NKAIN2: variants seen among roughly 807,000 people sequenced by gnomAD.
NKAIN2 encodes the protein sodium/potassium transporting ATPase interacting 2, also known as sodium/potassium-transporting ATPase subunit beta-1-interacting protein 2.
In NKAIN2, 14 loss-of-function variants were observed where a neutral mutation model predicts 32.6. The observed-to-expected ratio is 0.43, with a 90% CI of 0.28 to 0.67. The LOEUF is 0.67. Ranked by LOEUF, NKAIN2 falls within the 30% of genes least tolerant of loss-of-function variation. The probability of loss-of-function intolerance (pLI) is 0.17; values close to 1 mark genes in which losing one functional copy is unlikely to be tolerated. For missense variants in NKAIN2, 198 were observed against 258.3 expected (o/e 0.77, Z 1.60); for synonymous variants, 80 against 87.2 (o/e 0.92, Z 0.46).
intron 3 of NKAIN2, among the ~76,000 whole-genome samples, chr6:124,366,038 T>C (rs1297307652): frequency 6.6e-6 from 1 of 151,750 alleles, no homozygotes; most frequent in African/African-American, 2.4e-5. Context: ...GTAGAAATCC[T>C]CAAAACTCAA....
At chr6:123,946,328 C>T (rs1777063006) in intron 1 of NKAIN2, among the ~76,000 whole-genome samples, 1 of 151,932 alleles carries the variant, frequency 6.6e-6, no homozygotes, top group Non-Finnish European at 1.5e-5. Context: ...ATATAAAATG[C>T]CATTAAATAT....
At chr6:123,817,680 A>G (rs989191893) in intron 1 of NKAIN2, among the ~76,000 whole-genome samples, 4 of 152,298 alleles carry the variant, frequency 2.6e-5, no homozygotes, top group East Asian at 1.9e-4. Flanking sequence ...CAACCCAGCC[A>G]TGTAGCCATT....
intron 4 of NKAIN2, among the ~76,000 whole-genome samples, chr6:124,766,839 G>A (rs1371599971): frequency 2.0e-5 from 3 of 152,118 alleles, no homozygotes; most frequent in Admixed American, 1.3e-4. Flanking sequence ...GATTGAGAAG[G>A]CTTTTGAGCT....
chr6:123,810,894 A>T (rs1053078094), intron 1 of NKAIN2, among the ~76,000 whole-genome samples: 2 of 152,192 alleles, frequency 1.3e-5, no homozygotes, highest in Admixed American at 1.3e-4. Flanking sequence ...TTTGAACCTG[A>T]GTGTGCATCA....
chr6:124,480,923 G>A (rs1007507216), intron 3 of NKAIN2, among the ~76,000 whole-genome samples: 2 of 152,020 alleles, frequency 1.3e-5, no homozygotes, highest in Non-Finnish European at 2.9e-5. Flanking sequence ...TGCCAAAGAA[G>A]ATCCTATATA....
chr6:124,323,486 G>A (rs1052078033), intron 2 of NKAIN2, among the ~76,000 whole-genome samples: 1 of 152,054 alleles, frequency 6.6e-6, no homozygotes, highest in Non-Finnish European at 1.5e-5. Context: ...ATACAGTTTA[G>A]GTCAAGGCTC....
At chr6:124,601,469 A>G (rs1424268274) in intron 3 of NKAIN2, among the ~76,000 whole-genome samples, 2 of 152,012 alleles carry the variant, frequency 1.3e-5, no homozygotes, top group Non-Finnish European at 2.9e-5. Context: ...TAGAAATGCC[A>G]CATATCAAGC....
intron 1 of NKAIN2, among the ~76,000 whole-genome samples, chr6:123,906,789 T>G (rs1774897151): frequency 6.6e-6 from 1 of 152,192 alleles, no homozygotes; most frequent in African/African-American, 2.4e-5. Context: ...AAGTTGTCCA[T>G]CAAACTACTT....
At position 124,059,295 on chromosome 6, in the gene NKAIN2, C is replaced by T. The variant is rs573759213; in HGVS notation, c.55-223710C>T. On this transcript the variant is annotated intron_variant, in intron 1 of 6. Transcript: ENST00000368417. ...CTTACTTATGTCTTGGGCACCTTCT[C>T]GGACAGCTTTCTCCTTTGTTCGGTT... Among the ~76,000 whole-genome samples, 27 of 152,216 alleles carry T rather than the reference C, an allele frequency of 1.8e-4. No individual in the cohort carries two copies. The Middle Eastern group carries it at 0.01, about 58-fold the overall frequency.
chr6:123,839,619 C>T (rs1774783541), intron 1 of NKAIN2, among the ~76,000 whole-genome samples: 1 of 152,088 alleles, frequency 6.6e-6, no homozygotes, highest in Non-Finnish European at 1.5e-5. Flanking sequence ...GTTAACTACC[C>T]TCTCTCCCAC....
chr6:123,959,472 T>G (rs1441031766), intron 1 of NKAIN2, among the ~76,000 whole-genome samples: 1 of 152,148 alleles, frequency 6.6e-6, no homozygotes, highest in Non-Finnish European at 1.5e-5. Flanking sequence ...ACAATGCTTA[T>G]TTTTGGAAAG....
intron 3 of NKAIN2, among the ~76,000 whole-genome samples, chr6:124,412,429 T>A (rs1437804613): frequency 1.3e-5 from 2 of 152,206 alleles, no homozygotes; most frequent in Non-Finnish European, 2.9e-5. Flanking sequence ...TGGAGTTTGC[T>A]GGAGGTCCAC....
chr6:123,911,817 A>G (rs1775218890), intron 1 of NKAIN2, among the ~76,000 whole-genome samples: 4 of 71,352 alleles, frequency 5.6e-5, no homozygotes, highest in South Asian at 4.4e-4. Flanking sequence ...ATATATACAC[A>G]CACACACACA....
At chr6:124,282,957 G>T (rs551777341) in intron 1 of NKAIN2, 48 bp from the exon 2 acceptor site, 1 of 1,572,174 alleles carries the variant, frequency 6.4e-7, no homozygotes, top group African/African-American at 1.4e-5. Flanking sequence ...TCTCACCACT[G>T]TGCTGTTTCT....
intron 3 of NKAIN2, among the ~76,000 whole-genome samples, chr6:124,356,736 C>T (rs1455282401): frequency 6.6e-6 from 1 of 152,188 alleles, no homozygotes; most frequent in Admixed American, 6.5e-5. Flanking sequence ...AGCAGACACG[C>T]TTTTCCAAGG....
At chr6:123,971,582 A>G (rs947094682) in intron 1 of NKAIN2, among the ~76,000 whole-genome samples, 1 of 152,124 alleles carries the variant, frequency 6.6e-6, no homozygotes, top group African/African-American at 2.4e-5. Flanking sequence ...TCTTGAGCGG[A>G]TATTCCTGGA....
At chr6:124,025,642 T>C (rs1781075370) in intron 1 of NKAIN2, among the ~76,000 whole-genome samples, 1 of 152,170 alleles carries the variant, frequency 6.6e-6, no homozygotes, top group Non-Finnish European at 1.5e-5. Context: ...TAGTTAATAA[T>C]AGTGTATTGT....
chr6:124,212,828 G>A (rs1791259576), intron 1 of NKAIN2, among the ~76,000 whole-genome samples: 1 of 151,926 alleles, frequency 6.6e-6, no homozygotes, highest in African/African-American at 2.4e-5. Flanking sequence ...GTATTCATGT[G>A]ATTTAGTTAT....
chr6:124,305,173 T>G (rs1247310523), intron 2 of NKAIN2, among the ~76,000 whole-genome samples: 1 of 152,122 alleles, frequency 6.6e-6, no homozygotes, highest in Non-Finnish European at 1.5e-5. Context: ...ATTTAAATAT[T>G]TAGAGAGATA....
Sources: gnomAD v4.1 joint callset for allele counts (sites outside exome capture counted in the v4.1 genomes callset) on GRCh38, gnomAD v4.1.1 for gene constraint, MANE v1.5 for transcripts, NCBI Gene and HGNC (gene_info 2026-07-23, HGNC 2026-07-21) for gene names.